The following TIAM1 variants were observed in gnomAD, a reference collection of about 807,000 sequenced individuals.
TIAM1 encodes the protein TIAM Rac1 associated GEF 1, also known as rho guanine nucleotide exchange factor TIAM1.
A neutral mutation model predicts 163.5 loss-of-function variants in TIAM1; 65 were observed. That is an observed-to-expected ratio of 0.40 (90% confidence interval 0.33 to 0.49). The LOEUF (loss-of-function observed/expected upper bound fraction) is 0.49, where lower values mean the gene tolerates loss of function less well. Ranked by LOEUF, TIAM1 falls within the 20% of genes least tolerant of loss-of-function variation. The probability of loss-of-function intolerance (pLI) is 0.77; values close to 1 mark genes in which losing one functional copy is unlikely to be tolerated. For synonymous variants in TIAM1, 833 were observed against 810.1 expected (o/e 1.03, Z -0.48); for missense variants, 1,789 against 2,044.7 (o/e 0.87, Z 2.41).
intron 1 of TIAM1, among the ~76,000 whole-genome samples, chr21:31,548,379 G>C (rs1241643476): frequency 6.6e-6 from 1 of 151,814 alleles, no homozygotes; most frequent in Non-Finnish European, 1.5e-5. Flanking sequence ...GACCTCAAGT[G>C]ATCTGACCAC....
intron 2 of TIAM1, among the ~76,000 whole-genome samples, chr21:31,302,793 G>T (rs1356424740): frequency 1.3e-5 from 2 of 152,142 alleles, no homozygotes; most frequent in Non-Finnish European, 2.9e-5. Flanking sequence ...GATGTAGACT[G>T]CCATTTTAAT....
intron 4 of TIAM1, among the ~76,000 whole-genome samples, chr21:31,257,683 A>G (rs1025751321): frequency 1.3e-5 from 2 of 152,074 alleles, no homozygotes; most frequent in Non-Finnish European, 2.9e-5. Context: ...AGGACTCCTC[A>G]GACTGCTGTT....
intron 4 of TIAM1, among the ~76,000 whole-genome samples, chr21:31,253,897 T>C (rs1281840407): frequency 4.6e-5 from 7 of 152,222 alleles, no homozygotes; most frequent in Non-Finnish European, 7.3e-5. Flanking sequence ...GCAGGGACAT[T>C]GACCATATGC....
chr21:31,156,807 A>G (rs1601333621), intron 16 of TIAM1, among the ~76,000 whole-genome samples: 1 of 152,318 alleles, frequency 6.6e-6, no homozygotes, highest in East Asian at 1.9e-4. Context: ...TCCCTGTCTT[A>G]TCCCAAACTC....
At chr21:31,554,645 CTT>C (rs977410809) in intron 1 of TIAM1, among the ~76,000 whole-genome samples, 2 of 152,278 alleles carry the variant, frequency 1.3e-5, no homozygotes, top group Admixed American at 1.3e-4. Context: ...AATCATCACT[CTT>C]TGTTTAACAT....
At chr21:31,251,697 T>A in intron 5 of TIAM1, 45 bp downstream of exon 5, 1 of 1,518,876 alleles carries the variant, frequency 6.6e-7, no homozygotes, top group Non-Finnish European at 8.9e-7. Flanking sequence ...ACGGGGCACC[T>A]CTATTGGTGC....
chr21:31,218,182 G>A (rs1410696983), intron 8 of TIAM1, among the ~76,000 whole-genome samples: 1 of 152,140 alleles, frequency 6.6e-6, no homozygotes, highest in Non-Finnish European at 1.5e-5. Context: ...CTACTATTTT[G>A]TTTTCTTAGG....
chr21:31,453,099 G>C (rs879578167), intron 2 of TIAM1: 3 of 341,342 alleles, frequency 8.8e-6, no homozygotes, highest in Non-Finnish European at 1.2e-5. Flanking sequence ...GGATAAAGAA[G>C]GAGGAACCGA....
intron 2 of TIAM1, among the ~76,000 whole-genome samples, chr21:31,359,839 AGG>A: frequency 2.2e-5 from 3 of 139,502 alleles, no homozygotes; most frequent in Admixed American, 1.4e-4. Context: ...GAAGGAAGGA[AGG>A]AAGGAAGGAA....
intron 2 of TIAM1, among the ~76,000 whole-genome samples, chr21:31,319,258 T>G (rs2075226302): frequency 6.6e-6 from 1 of 152,074 alleles, no homozygotes; most frequent in South Asian, 2.1e-4. Flanking sequence ...CCAAAGCTGC[T>G]CAACTGGTGT....
At chr21:31,403,341 G>A (rs977616338) in intron 2 of TIAM1, among the ~76,000 whole-genome samples, 1 of 152,056 alleles carries the variant, frequency 6.6e-6, no homozygotes, top group Non-Finnish European at 1.5e-5. Context: ...TAGAGACGGG[G>A]TTTCACCATG....
chr21:31,498,782 C>T (rs2046750948), intron 1 of TIAM1, among the ~76,000 whole-genome samples: 2 of 151,890 alleles, frequency 1.3e-5, no homozygotes, highest in Non-Finnish European at 1.5e-5. Context: ...CCCATCTCTA[C>T]TAAAATTATA....
chr21:31,127,129 C>T lies in TIAM1; in HGVS notation c.4069G>A (p.Glu1357Lys). The T allele has an allele frequency of 6.2e-7, 1 of 1,614,022 alleles. No individual in the cohort carries two copies. The highest frequency in any genetic ancestry group is 2.2e-5 in the East Asian group (1 of 44,890). Reference sequence around the variant, plus strand: ...GACTCGGATTTTACATGGACAATTTCACACACGGCATTTGCCTCTGCATCT... The same window carrying T: ...GACTCGGATTTTACATGGACAATTTTACACACGGCATTTGCCTCTGCATCT... ...SADAEANAVC[E>K]IVHVKSESEG... The change falls in exon 26 of 28, where the codon GAA becomes AAA. Residue 1357 changes from glutamate (E) to lysine (K), a missense_variant. Glu to Lys is a moderately conservative substitution (Grantham distance 56, BLOSUM62 1). This residue lies in a region of TIAM1 where 415 missense variants were observed against 439.2 expected (regional missense o/e 0.94). Transcript: ENST00000541036.
At chr21:31,439,992 T>C (rs922120043) in intron 2 of TIAM1, among the ~76,000 whole-genome samples, 3 of 152,214 alleles carry the variant, frequency 2.0e-5, no homozygotes, top group Non-Finnish European at 2.9e-5. Flanking sequence ...TCACCGGCAA[T>C]GTAACCTTGC....
chr21:31,440,210 G>A (rs2044369255), intron 2 of TIAM1, among the ~76,000 whole-genome samples: 1 of 152,176 alleles, frequency 6.6e-6, no homozygotes, highest in Non-Finnish European at 1.5e-5. Context: ...TGTCATATTT[G>A]CCAGCAGCGT....
At chr21:31,256,230 T>A (rs975279647) in intron 4 of TIAM1, among the ~76,000 whole-genome samples, 2 of 152,200 alleles carry the variant, frequency 1.3e-5, no homozygotes, top group African/African-American at 4.8e-5. Flanking sequence ...AGGGAGAGGT[T>A]TTCTGTGCTA....
At chr21:31,184,266 C>A (rs749961680) in intron 14 of TIAM1, among the ~76,000 whole-genome samples, 3 of 152,008 alleles carry the variant, frequency 2.0e-5, no homozygotes, top group African/African-American at 7.2e-5. Context: ...CCACCATGCC[C>A]AGCTAATTTT....
chr21:31,272,453 G>C (rs2073098688), intron 3 of TIAM1, among the ~76,000 whole-genome samples: 1 of 145,954 alleles, frequency 6.9e-6, no homozygotes, highest in Admixed American at 6.9e-5. Flanking sequence ...TGCTTTTATA[G>C]ATTTATTAGG....
chr21:31,424,222 T>C (rs1476828298), intron 2 of TIAM1, among the ~76,000 whole-genome samples: 1 of 152,244 alleles, frequency 6.6e-6, no homozygotes, highest in Non-Finnish European at 1.5e-5. Flanking sequence ...AGAGCTTAAA[T>C]GCTTGTGAAC....
Sources: allele counts gnomAD v4.1 joint callset (sites outside exome capture counted in the v4.1 genomes callset), GRCh38; gene constraint gnomAD v4.1.1; regional missense constraint gnomAD v4.1.1; transcripts MANE v1.5; gene names NCBI Gene and HGNC (gene_info 2026-07-23, HGNC 2026-07-21).